ELMO1: variants seen among roughly 807,000 people sequenced by gnomAD.
ELMO1 encodes the protein engulfment and cell motility protein 1.
ELMO1 carries 26 observed loss-of-function variants against 98.9 expected under a neutral mutation model. The observed-to-expected ratio is 0.26, with a 90% CI of 0.19 to 0.36. The LOEUF (loss-of-function observed/expected upper bound fraction) is 0.36, where lower values mean the gene tolerates loss of function less well. ELMO1 is among the 10% of genes least tolerant of loss of function. ELMO1 has a pLI of 1.00. For synonymous variants in ELMO1, 346 were observed against 346.0 expected, an observed-to-expected ratio of 1.00 and a Z score of 0.00; for missense variants, 627 against 935.2, an observed-to-expected ratio of 0.67 and a Z score of 4.30.
At chr7:37,143,364 C>T (rs1787761666) in intron 13 of ELMO1, among the ~76,000 whole-genome samples, 1 of 152,190 alleles carries the variant, frequency 6.6e-6, no homozygotes, top group Admixed American at 6.6e-5. Context: ...TCTCCTCAAT[C>T]AACGTTATTC....
chr7:36,873,507 G>T (rs939381237), intron 19 of ELMO1, among the ~76,000 whole-genome samples: 1 of 152,192 alleles, frequency 6.6e-6, no homozygotes, highest in African/African-American at 2.4e-5. Context: ...TACAGTTTGA[G>T]CTGGGTTGAG....
At chr7:36,895,445 T>C (rs1805913971) in intron 16 of ELMO1, among the ~76,000 whole-genome samples, 1 of 152,196 alleles carries the variant, frequency 6.6e-6, no homozygotes, top group African/African-American at 2.4e-5. Flanking sequence ...GAAGTTTGGC[T>C]GGAGCTGGTT....
chr7:37,222,820 G>T, intron 9 of ELMO1, 127 bp from the exon 10 acceptor site: 2 of 762,630 alleles, frequency 2.6e-6, no homozygotes, highest in South Asian at 1.8e-5. Context: ...GAAAGGCAGG[G>T]CCTAGAAAAT....
chr7:36,969,569 T>C (rs890943433), intron 16 of ELMO1, among the ~76,000 whole-genome samples: 2 of 152,198 alleles, frequency 1.3e-5, no homozygotes, highest in African/African-American at 4.8e-5. Context: ...CTTAAGTTGG[T>C]GCACATCAGA....
chr7:36,931,974 T>G (rs1167975394), intron 16 of ELMO1, among the ~76,000 whole-genome samples: 2 of 152,246 alleles, frequency 1.3e-5, no homozygotes, highest in Non-Finnish European at 2.9e-5. Flanking sequence ...GCATAATACA[T>G]TGTTTCAGGT....
intron 21 of ELMO1, among the ~76,000 whole-genome samples, chr7:36,857,385 G>A (rs1802283124): frequency 6.6e-6 from 1 of 151,994 alleles, no homozygotes; most frequent in African/African-American, 2.4e-5. Context: ...AAACTCTAAC[G>A]AACACGCAGG....
intron 15 of ELMO1, among the ~76,000 whole-genome samples, chr7:37,079,596 T>C (rs1797756442): frequency 6.6e-6 from 1 of 152,106 alleles, no homozygotes; most frequent in South Asian, 2.1e-4. Flanking sequence ...CCTCCCCCAC[T>C]CCGGTGAAAT....
chr7:36,949,356 G>C (rs1584419569), intron 16 of ELMO1, among the ~76,000 whole-genome samples: 1 of 151,962 alleles, frequency 6.6e-6, no homozygotes, highest in Non-Finnish European at 1.5e-5. Flanking sequence ...TGATTTTCAC[G>C]GAGACTCACA....
chr7:37,441,431 G>A (rs1315988615), intron 1 of ELMO1, among the ~76,000 whole-genome samples: 1 of 152,188 alleles, frequency 6.6e-6, no homozygotes, highest in Non-Finnish European at 1.5e-5. Context: ...TACCTTGAAG[G>A]CTTCTCCCTG....
At chr7:37,423,491 A>C (rs1472197947) in intron 1 of ELMO1, among the ~76,000 whole-genome samples, 2 of 152,172 alleles carry the variant, frequency 1.3e-5, no homozygotes, top group East Asian at 3.8e-4. Flanking sequence ...GAGGCAGGAG[A>C]ATCGCTTGAA....
intron 6 of ELMO1, among the ~76,000 whole-genome samples, chr7:37,253,184 C>G (rs1795452247): frequency 6.6e-6 from 1 of 152,110 alleles, no homozygotes; most frequent in Non-Finnish European, 1.5e-5. Flanking sequence ...CCTCAAGGAT[C>G]TAGAATCAGA....
At chr7:36,993,606 G>C (rs57821226) in intron 16 of ELMO1, among the ~76,000 whole-genome samples, 1 of 152,148 alleles carries the variant, frequency 6.6e-6, no homozygotes, top group African/African-American at 2.4e-5. Context: ...TCAAGAATAA[G>C]CTCTATAACA....
At chr7:37,111,481 G>C (rs1785247112) in intron 14 of ELMO1, among the ~76,000 whole-genome samples, 2 of 152,148 alleles carry the variant, frequency 1.3e-5, no homozygotes, top group South Asian at 2.1e-4. Flanking sequence ...ACAGAAACCA[G>C]CAAATGCTGC....
At chr7:37,016,984 T>C (rs1793978342) in intron 15 of ELMO1, among the ~76,000 whole-genome samples, 3 of 152,184 alleles carry the variant, frequency 2.0e-5, no homozygotes. Flanking sequence ...TGTTTTTCTA[T>C]CCACAGAAAA....
chr7:36,956,625 C>T (rs1179401242), intron 16 of ELMO1, among the ~76,000 whole-genome samples: 1 of 152,166 alleles, frequency 6.6e-6, no homozygotes, highest in Non-Finnish European at 1.5e-5. Context: ...ACTAATTAGA[C>T]TTGAAGACTA....
intron 20 of ELMO1, among the ~76,000 whole-genome samples, chr7:36,864,052 C>T (rs1317801751): frequency 6.6e-6 from 1 of 152,124 alleles, no homozygotes; most frequent in Non-Finnish European, 1.5e-5. Context: ...TGGAGGTAAA[C>T]AGGAAAAGGT....
chr7:37,446,996 C>T (rs1562698071), intron 1 of ELMO1, among the ~76,000 whole-genome samples: 1 of 152,048 alleles, frequency 6.6e-6, no homozygotes, highest in Admixed American at 6.5e-5. Context: ...CCTAACTTAC[C>T]ATTATTTTCC....
At chr7:37,322,228 AG>A (rs1295787431) in intron 2 of ELMO1, among the ~76,000 whole-genome samples, 2 of 152,106 alleles carry the variant, frequency 1.3e-5, no homozygotes, top group African/African-American at 4.8e-5. Flanking sequence ...CTGTTATCCC[AG>A]CACTTTGGGA....
At chr7:36,913,735 T>C (rs1008989202) in intron 16 of ELMO1, among the ~76,000 whole-genome samples, 1 of 152,158 alleles carries the variant, frequency 6.6e-6, no homozygotes, top group African/African-American at 2.4e-5. Context: ...ATACAAGAGT[T>C]AAAATGAGTC....
Sources: gnomAD v4.1 joint callset for allele counts (sites outside exome capture counted in the v4.1 genomes callset) on GRCh38, gnomAD v4.1.1 for gene constraint, MANE v1.5 for transcripts, NCBI Gene and HGNC (gene_info 2026-07-23, HGNC 2026-07-21) for gene names.